Variants in HDAC9 observed in about 807,000 individuals in gnomAD.
HDAC9 encodes MEF-2 interacting transcription repressor (MITR) protein.
A neutral mutation model predicts 139.4 loss-of-function variants in HDAC9; 41 were observed. The observed-to-expected ratio is 0.29, with a 90% CI of 0.23 to 0.38. The LOEUF is 0.38. HDAC9 is among the 10% of genes least tolerant of loss of function. The probability of loss-of-function intolerance (pLI) is 1.00; values close to 1 mark genes in which losing one functional copy is unlikely to be tolerated. For missense variants in HDAC9, 1,147 were observed against 1,297.0 expected, an observed-to-expected ratio of 0.88 and a Z score of 1.78; for synonymous variants, 517 against 476.2, an observed-to-expected ratio of 1.09 and a Z score of -1.12.
chr7:18,737,967 G>A (rs1257490952), intron 13 of HDAC9, among the ~76,000 whole-genome samples: 4 of 152,182 alleles, frequency 2.6e-5, no homozygotes, highest in Non-Finnish European at 5.9e-5. Context: ...TATATCTTTA[G>A]GATAGTTAGC....
intron 2 of HDAC9, among the ~76,000 whole-genome samples, chr7:18,196,726 C>T (rs190580824): frequency 1.3e-5 from 2 of 152,158 alleles, no homozygotes; most frequent in East Asian, 1.9e-4. Flanking sequence ...CCACAGCGTA[C>T]GCAGTGATGC....
At chr7:18,209,604 A>G (rs1027495838) in intron 2 of HDAC9, among the ~76,000 whole-genome samples, 4 of 152,234 alleles carry the variant, frequency 2.6e-5, no homozygotes, top group African/African-American at 4.8e-5. Context: ...TGGTTCAACA[A>G]TTTTGAGATG....
At chr7:18,256,401 G>T (rs1320062900) in intron 2 of HDAC9, among the ~76,000 whole-genome samples, 1 of 152,182 alleles carries the variant, frequency 6.6e-6, no homozygotes, top group Admixed American at 6.5e-5. Flanking sequence ...TTGGATTTTA[G>T]AGGAGCTAGA....
At chr7:18,842,958 A>C (rs1415164498) in intron 21 of HDAC9, among the ~76,000 whole-genome samples, 1 of 152,140 alleles carries the variant, frequency 6.6e-6, no homozygotes, top group Non-Finnish European at 1.5e-5. Context: ...TGATATCTGC[A>C]GTGAAGAGCT....
intron 17 of HDAC9, among the ~76,000 whole-genome samples, chr7:18,799,756 CAG>C (rs1248287440): frequency 1.3e-5 from 2 of 151,998 alleles, no homozygotes; most frequent in Non-Finnish European, 2.9e-5. Flanking sequence ...GAAAAATGAA[CAG>C]AGTTTCAAAG....
At chr7:18,406,864 A>T (rs1001681389) in intron 1 of HDAC9, among the ~76,000 whole-genome samples, 11 of 151,508 alleles carry the variant, frequency 7.3e-5, no homozygotes, top group African/African-American at 2.7e-4. Context: ...GTGATGAAGG[A>T]CTCTCTTTAT....
intron 21 of HDAC9, among the ~76,000 whole-genome samples, chr7:18,843,090 T>G (rs1350043018): frequency 1.3e-5 from 2 of 152,198 alleles, no homozygotes; most frequent in African/African-American, 4.8e-5. Flanking sequence ...AAGCCAAAAA[T>G]TTTCTGGAAT....
At chr7:18,897,392 T>A (rs1801300387) in intron 22 of HDAC9, among the ~76,000 whole-genome samples, 1 of 151,978 alleles carries the variant, frequency 6.6e-6, no homozygotes, top group African/African-American at 2.4e-5. Context: ...TAGGACTTTA[T>A]AACTTTTTCC....
chr7:18,723,702 AC>A (rs1428436078), intron 12 of HDAC9, among the ~76,000 whole-genome samples: 1 of 101,696 alleles, frequency 9.8e-6, no homozygotes, highest in Non-Finnish European at 2.2e-5. Context: ...GTAGAACAAT[AC>A]TTACTTACTA....
At chr7:18,303,033 A>G (rs1334867030) in intron 1 of HDAC9, among the ~76,000 whole-genome samples, 1 of 152,132 alleles carries the variant, frequency 6.6e-6, no homozygotes, top group Non-Finnish European at 1.5e-5. Context: ...TCCTAAAAAC[A>G]TGATTTTACT....
At position 18,271,322 on chromosome 7, in the gene HDAC9, G is replaced by A. The variant is rs565744746; in HGVS notation, c.25+108973G>A. On this transcript the variant is annotated intron_variant, in intron 2 of 12. Transcript: ENST00000417496. ...TTGTGTATTGAAGTGAGATTGTACCGGAGCTTTTTGTGAAATACTCCCAGC... is the reference window on the plus strand; with the variant it reads ...TTGTGTATTGAAGTGAGATTGTACCAGAGCTTTTTGTGAAATACTCCCAGC... Among the ~76,000 whole-genome samples, 4 of 152,170 alleles carry A rather than the reference G, an allele frequency of 2.6e-5. No homozygotes were observed. In the South Asian group the frequency reaches 8.3e-4, roughly 32 times the overall value.
At chr7:18,805,191 G>C (rs1041194802) in intron 17 of HDAC9, among the ~76,000 whole-genome samples, 3 of 152,248 alleles carry the variant, frequency 2.0e-5, no homozygotes, top group African/African-American at 7.2e-5. Flanking sequence ...ATGTGCAAGA[G>C]AAGGGGAAGG....
chr7:18,992,847 C>G (rs1391658964), intron 25 of HDAC9, among the ~76,000 whole-genome samples: 1 of 152,140 alleles, frequency 6.6e-6, no homozygotes, highest in Non-Finnish European at 1.5e-5. Context: ...AAGCTTATGT[C>G]TTTCAATTCG....
intron 12 of HDAC9, among the ~76,000 whole-genome samples, chr7:18,674,175 G>C: frequency 6.6e-6 from 1 of 151,842 alleles, no homozygotes; most frequent in East Asian, 1.9e-4. Flanking sequence ...TTCACCTTCA[G>C]CTTTGCTTTC....
Position 18,732,778 on chromosome 7 carries a change from T to C in HDAC9, c.1909+5021T>C, listed in dbSNP as rs532281816. ...ACACACGTGTATGTGTGCGTATGTGTACACACACGTGTGTTTGTGTGCGTA... is the reference window on the plus strand; with the variant it reads ...ACACACGTGTATGTGTGCGTATGTGCACACACACGTGTGTTTGTGTGCGTA... On this transcript the variant is annotated intron_variant, in intron 13 of 25. Transcript: ENST00000686413. Among the ~76,000 whole-genome samples, 10 of 84,302 alleles carry C rather than the reference T, an allele frequency of 1.2e-4. 3 individuals are homozygous for C. The highest frequency in any genetic ancestry group is 7.0e-4 in the African/African-American group (10 of 14,186). The allele number at this position is 84,302 out of a possible 152,430, so 55.3% of individuals were successfully genotyped here. A position where few individuals can be genotyped will look rare whatever the true frequency, so the allele number is the denominator to read the frequency against.
chr7:18,529,815 T>C (rs571230848), intron 2 of HDAC9, among the ~76,000 whole-genome samples: 4 of 152,312 alleles, frequency 2.6e-5, no homozygotes, highest in African/African-American at 9.6e-5. Flanking sequence ...TTGGTTTTCA[T>C]TGATCTGATG....
intron 1 of HDAC9, among the ~76,000 whole-genome samples, chr7:18,322,094 C>A (rs1800071179): frequency 6.6e-6 from 1 of 152,154 alleles, no homozygotes; most frequent in African/African-American, 2.4e-5. Context: ...CTGACAATAA[C>A]ATTTAGAACA....
At chr7:18,933,741 T>C (rs1781424797) in intron 22 of HDAC9, among the ~76,000 whole-genome samples, 1 of 152,010 alleles carries the variant, frequency 6.6e-6, no homozygotes, top group Non-Finnish European at 1.5e-5. Context: ...AGTTACAGAA[T>C]ATAAAATAAT....
At chr7:18,994,106 C>T (rs1386218794) in intron 25 of HDAC9, among the ~76,000 whole-genome samples, 1 of 152,134 alleles carries the variant, frequency 6.6e-6, no homozygotes, top group Non-Finnish European at 1.5e-5. Context: ...CACAGATCCT[C>T]CACCACAGAG....
Sources: gnomAD v4.1 joint callset for allele counts (sites outside exome capture counted in the v4.1 genomes callset) on GRCh38, gnomAD v4.1.1 for gene constraint, MANE v1.5 for transcripts, NCBI Gene and HGNC (gene_info 2026-07-23, HGNC 2026-07-21) for gene names.